The following PIEZO2 variants were observed in gnomAD, a reference collection of about 807,000 sequenced individuals.
PIEZO2 encodes the protein piezo type mechanosensitive ion channel component 2.
Under a neutral mutation model 337.3 loss-of-function variants are expected in PIEZO2, and 172 were observed. That is an observed-to-expected ratio of 0.51 (90% CI 0.45 to 0.58). The LOEUF (loss-of-function observed/expected upper bound fraction) is 0.58. PIEZO2 is among the 20% of genes least tolerant of loss of function. The pLI, the probability that PIEZO2 is intolerant of heterozygous loss-of-function variation, is 0.00. For missense variants in PIEZO2, 3,028 were observed against 3,391.3 expected, an observed-to-expected ratio of 0.89 and a Z score of 2.66; for synonymous variants, 1,251 against 1,228.5, an observed-to-expected ratio of 1.02 and a Z score of -0.38.
rs1171489805 is a variant in PIEZO2 at position 10,688,101 on chromosome 18, C to G, written c.7497+1554G>C. On this transcript the variant is annotated intron_variant, in intron 49 of 55. Transcript: ENST00000674853. ...TTTGCTGCACCTATCAATGCATCAT[C>G]TAGGTTTTAAGCCCCCCATGCGTTA... Among the ~76,000 whole-genome samples the G allele has an allele frequency of 2.6e-5, 4 of 152,234 alleles. No homozygotes were observed. In the East Asian group the frequency reaches 5.8e-4, roughly 22 times the overall value.
Position 10,748,384 on chromosome 18 carries a change from G to C in PIEZO2, c.4424+87C>G, listed in dbSNP as rs2037509717. On this transcript the variant is annotated intron_variant, in intron 30 of 55. Transcript: ENST00000674853. This position sits in a 1 kb window ranked among gnomAD's most constrained non-coding sequence, Gnocchi z 5.1. ...ATTTCTTAACTTCTTGTGGGTTCTA[G>C]AAGCAAGCTCAGACAGAAATGATAG... 9 of 1,356,888 alleles carry C rather than the reference G, an allele frequency of 6.6e-6. No individual in the cohort carries two copies. The highest frequency in any genetic ancestry group is 8.0e-6 in the Non-Finnish European group (8 of 1,001,344). The allele number at this position is 1,356,888 out of a possible 1,614,324, so 84.1% of individuals were successfully genotyped here.
chr18:10,882,247 T>C (rs997906089), intron 4 of PIEZO2, among the ~76,000 whole-genome samples: 2 of 152,164 alleles, frequency 1.3e-5, no homozygotes, highest in Non-Finnish European at 2.9e-5. Flanking sequence ...CCTCTCTTGA[T>C]CCTGAAATCC....
rs1335333672 is a variant in PIEZO2 at position 10,815,469 on chromosome 18, C to G, written c.918-8195G>C. On this transcript the variant is annotated intron_variant, in intron 7 of 55. Coordinates refer to ENST00000674853, the MANE Select transcript of PIEZO2 (RefSeq NM_001378183.1). This position sits in a 1 kb window ranked among gnomAD's most constrained non-coding sequence, Gnocchi z 4.1. The stretch of plus-strand genomic sequence containing the variant: ...GTGAAGACCAGAAATGATAGGCATA[C>G]GACTTTTGAACTGCTTTTCATGACA... Among the ~76,000 whole-genome samples the G allele has an allele frequency of 6.6e-6, 1 of 152,168 alleles. No individual in the cohort carries two copies. Among genetic ancestry groups the G allele is most frequent in the Non-Finnish European group, 1.5e-5 (1 of 68,028 alleles).
In PIEZO2 at chr18:10,911,481, G is replaced by A. The variant is rs1334243212; in HGVS notation, c.287-253C>T. Reference sequence around the variant, plus strand: ...CATATAACCTGCAATGTGGCCAGCCGCAATGGCTAACGTCTGTAATCCCAG... The same window carrying A: ...CATATAACCTGCAATGTGGCCAGCCACAATGGCTAACGTCTGTAATCCCAG... On this transcript the variant is annotated intron_variant, in intron 3 of 55. Transcript: ENST00000674853. Among the ~76,000 whole-genome samples the A allele has an allele frequency of 9.9e-4, 149 of 150,244 alleles. 1 individual carries two copies. The highest frequency in any genetic ancestry group is 3.3e-3 in the African/African-American group (135 of 40,826).
At chr18:10,978,733 G>T (rs138252213) in intron 3 of PIEZO2, among the ~76,000 whole-genome samples, 2 of 152,180 alleles carry the variant, frequency 1.3e-5, no homozygotes, top group Non-Finnish European at 1.5e-5. Flanking sequence ...CCCACAAATG[G>T]GTTCCTCAAA....
Position 10,924,790 on chromosome 18 carries a change from C to A in PIEZO2, c.287-13562G>T, listed in dbSNP as rs1181693231. On this transcript the variant is annotated intron_variant, in intron 3 of 55. Coordinates refer to ENST00000674853, the MANE Select transcript of PIEZO2 (RefSeq NM_001378183.1). The stretch of plus-strand genomic sequence containing the variant: ...ATTTTTTCTTTTATATTCCTTGGGG[C>A]ATCTTATAAGGCGTTACAATTGCTT... Among the ~76,000 whole-genome samples the A allele has an allele frequency of 3.3e-5, 5 of 152,218 alleles. No individual in the cohort carries two copies. In the East Asian group the frequency reaches 9.6e-4, roughly 29 times the overall value.
chr18:10,971,746 C>T (rs926887639), intron 3 of PIEZO2, among the ~76,000 whole-genome samples: 2 of 152,170 alleles, frequency 1.3e-5, no homozygotes, highest in African/African-American at 4.8e-5. Flanking sequence ...GTATCCTAAT[C>T]ATATCTATTC....
chr18:10,896,640 A>G (rs2042910794), intron 4 of PIEZO2, among the ~76,000 whole-genome samples: 1 of 152,162 alleles, frequency 6.6e-6, no homozygotes, highest in South Asian at 2.1e-4. Context: ...GGCCTCCCTG[A>G]CTTCCTAATT....
intron 1 of PIEZO2, among the ~76,000 whole-genome samples, chr18:11,079,565 G>A (rs1220499240): frequency 6.6e-6 from 1 of 152,154 alleles, no homozygotes; most frequent in African/African-American, 2.4e-5. Flanking sequence ...TGGAACAGGA[G>A]CTGTTTCCTG....
chr18:10,922,381 G>C (rs2031474562), intron 3 of PIEZO2, among the ~76,000 whole-genome samples: 1 of 152,092 alleles, frequency 6.6e-6, no homozygotes, highest in Non-Finnish European at 1.5e-5. Flanking sequence ...AGAAAAAACG[G>C]AGATGGAAAG....
chr18:11,148,952 G>A lies in PIEZO2; in HGVS notation c.-364C>T, dbSNP rs1035841570. Among the ~76,000 whole-genome samples the A allele has an allele frequency of 6.6e-5, 10 of 152,174 alleles. No homozygotes were observed. The highest frequency in any genetic ancestry group is 5.2e-4 in the Admixed American group (8 of 15,290). ...GAGGGACGCTTTGGGAGGGTCCTGG[G>A]AGGCGGCGCGGCGAGCAAAGGGGGC... On this transcript the variant is annotated 5_prime_UTR_variant, in exon 1 of 56. Coordinates refer to ENST00000674853, the MANE Select transcript of PIEZO2 (RefSeq NM_001378183.1). This position sits in a 1 kb window ranked among gnomAD's most constrained non-coding sequence, Gnocchi z 5.2.
At chr18:10,946,671 G>A (rs927796385) in intron 3 of PIEZO2, among the ~76,000 whole-genome samples, 1 of 152,140 alleles carries the variant, frequency 6.6e-6, no homozygotes, top group Non-Finnish European at 1.5e-5. Context: ...GTGCTGCCAG[G>A]GCTTAGTGGA....
At chr18:10,749,308 A>G (rs2037553682) in intron 29 of PIEZO2, among the ~76,000 whole-genome samples, 1 of 152,044 alleles carries the variant, frequency 6.6e-6, no homozygotes, top group Non-Finnish European at 1.5e-5. Flanking sequence ...TTAGCCAGGC[A>G]TAGTGGTGCA....
chr18:11,023,071 G>T (rs1309243269), intron 2 of PIEZO2, among the ~76,000 whole-genome samples: 2 of 152,252 alleles, frequency 1.3e-5, no homozygotes, highest in East Asian at 3.9e-4. Context: ...ACCCTTCGCC[G>T]TGAGTGTTAC....
At chr18:10,880,776 G>A (rs1326010867) in intron 4 of PIEZO2, among the ~76,000 whole-genome samples, 2 of 140,956 alleles carry the variant, frequency 1.4e-5, no homozygotes, top group African/African-American at 2.7e-5. Context: ...AACTTTAAAG[G>A]CAGACAAATA....
At chr18:10,696,844 C>T (rs543777674) in intron 45 of PIEZO2, among the ~76,000 whole-genome samples, 2 of 152,196 alleles carry the variant, frequency 1.3e-5, no homozygotes, top group East Asian at 1.9e-4. Context: ...GGGTTTGTAG[C>T]CTGATTCAAT....
At chr18:10,925,741 G>A (rs998172897) in intron 3 of PIEZO2, among the ~76,000 whole-genome samples, 1 of 152,114 alleles carries the variant, frequency 6.6e-6, no homozygotes, top group Non-Finnish European at 1.5e-5. Flanking sequence ...CCTAATCTTC[G>A]GTATTTTTAG....
At position 10,830,480 on chromosome 18, in the gene PIEZO2, A is replaced by C. The variant is rs1043558716; in HGVS notation, c.918-23206T>G. Among the ~76,000 whole-genome samples, 2 of 152,106 alleles carry C rather than the reference A, an allele frequency of 1.3e-5. No homozygotes were observed. Among genetic ancestry groups the C allele is most frequent in the Admixed American group, 6.5e-5 (1 of 15,272 alleles). On this transcript the variant is annotated intron_variant, in intron 7 of 55. Transcript: ENST00000674853. This position sits in a 1 kb window ranked among gnomAD's most constrained non-coding sequence, Gnocchi z 4.7. ...TCCCCCCTTTTATGCCTCTGGTTGC[A>C]CTTGAATAAAACTAGACCTCTATTT...
intron 1 of PIEZO2, among the ~76,000 whole-genome samples, chr18:11,081,330 ATGCC>A: frequency 6.6e-6 from 1 of 152,246 alleles, no homozygotes; most frequent in East Asian, 1.9e-4. Context: ...ACACTTTCCA[ATGCC>A]AATCATTAGG....
Sources: gnomAD v4.1 joint callset for allele counts (sites outside exome capture counted in the v4.1 genomes callset) on GRCh38, gnomAD v4.1.1 for gene constraint, Gnocchi (gnomAD v3.1) non-coding constraint, MANE v1.5 for transcripts, NCBI Gene and HGNC (gene_info 2026-07-23, HGNC 2026-07-21) for gene names.